The following TYSND1 variants were observed in gnomAD, a reference collection of about 807,000 sequenced individuals.
The protein encoded by TYSND1 is peroxisomal leader peptide-processing protease.
TYSND1 carries 30 observed loss-of-function variants against 37.2 expected under a neutral mutation model. The ratio of observed to expected loss-of-function variants is 0.81; its 90% CI spans 0.60 to 1.09. The LOEUF is 1.09. Among genes scored for constraint, TYSND1 ranks in the 50% least tolerant of loss-of-function variants. The pLI is 0.00. For synonymous variants in TYSND1, 364 were observed against 383.8 expected (o/e 0.95, Z 0.60); for missense variants, 806 against 817.4 (o/e 0.99, Z 0.17).
intron 2 of TYSND1, among the ~76,000 whole-genome samples, chr10:70,143,394 C>G (rs761662144): frequency 3.2e-4 from 48 of 152,236 alleles, no homozygotes; most frequent in Non-Finnish European, 6.0e-4. Flanking sequence ...GGATAGTTAA[C>G]TAGCCTGTCC....
In TYSND1 at chr10:70,146,074, C is replaced by T; in HGVS notation, c.513G>A (p.Ser171=). The change falls in exon 1 of 4, where the codon TCG becomes TCA. Residue 171 remains serine, a synonymous_variant. Transcript: ENST00000287078. ...FSSAARDDEV[S]EDEEADQLRA... is the part of the protein sequence containing the mutation. ...TCAGTTGATCCGCCTCCTCGTCCTC[C>T]GACACTTCGTCATCCCGCGCCGCGC... The T allele has an allele frequency of 1.3e-6, 2 of 1,595,574 alleles. No individual in the cohort carries two copies. The highest frequency in any genetic ancestry group is 1.7e-6 in the Non-Finnish European group (2 of 1,172,084).
intron 1 of TYSND1, chr10:70,144,435 G>A (rs1781546925): frequency 1.0e-6 from 1 of 995,064 alleles, no homozygotes; most frequent in African/African-American, 1.7e-5. Context: ...CCGTCAGTTG[G>A]TGGGTCAGAT....
Position 70,138,464 on chromosome 10 carries a change from G to C in TYSND1, c.*1460C>G, listed in dbSNP as rs1386578532. ...CAAGTTACTCCTAAGCACTCTTCCTGCGTGGCCTCCGCCCACAGCCGCCCC... is the reference window on the plus strand; with the variant it reads ...CAAGTTACTCCTAAGCACTCTTCCTCCGTGGCCTCCGCCCACAGCCGCCCC... On this transcript the variant is annotated 3_prime_UTR_variant, in exon 4 of 4. Coordinates refer to ENST00000287078, the MANE Select transcript of TYSND1 (RefSeq NM_173555.4). 1.3e-5 allele frequency: 2 copies of C among 152,282 alleles called. No individual in the cohort carries two copies. Among genetic ancestry groups the C allele is most frequent in the African/African-American group, 4.8e-5 (2 of 41,428 alleles). The allele number at this position is 152,282 out of a possible 1,614,324, so 9.4% of individuals were successfully genotyped here.
intron 3 of TYSND1, among the ~76,000 whole-genome samples, chr10:70,141,152 C>T (rs2072765698): frequency 6.6e-6 from 1 of 151,018 alleles, no homozygotes; most frequent in Admixed American, 6.6e-5. Context: ...GGTTGTCCAG[C>T]TTGGTCTTGA....
In TYSND1 at chr10:70,145,480, G is replaced by C. The variant is rs755089159; in HGVS notation, c.1107C>G (p.Thr369=). 4 of 1,510,910 alleles carry C rather than the reference G, an allele frequency of 2.6e-6. No homozygotes were observed. The highest frequency in any genetic ancestry group is 3.5e-6 in the Non-Finnish European group (4 of 1,133,198). The allele number at this position is 1,510,910 out of a possible 1,614,324, so 93.6% of individuals were successfully genotyped here. A position where few individuals can be genotyped will look rare whatever the true frequency, so the allele number is the denominator to read the frequency against. The change falls in exon 1 of 4, where the codon ACC becomes ACG. Residue 369 remains threonine (T), a synonymous_variant. Coordinates refer to ENST00000287078, the MANE Select transcript of TYSND1 (RefSeq NM_173555.4). The part of the protein sequence containing the change: ...GVAVAPRLVV[T]CRHVSPREAA... ...CTTCCCGAGGGGACACGTGCCGACA[G>C]GTCACTACAAGGCGGGGTGCCACAG...
rs1839216127 is a variant in TYSND1 at position 70,146,161 on chromosome 10, G to A, written c.426C>T (p.Ala142=). ...AELLLLLSCP[A]FWAHFARLFG... Reference sequence around the variant, plus strand: ...AGAGGCGCGCGAAGTGGGCCCAGAAGGCCGGGCAGCTCAGCAGCAGCAGCA... The same window carrying A: ...AGAGGCGCGCGAAGTGGGCCCAGAAAGCCGGGCAGCTCAGCAGCAGCAGCA... Residue 142 remains alanine (A), a synonymous_variant, in exon 1 of 4, where the codon GCC becomes GCT. Coordinates refer to ENST00000287078, the MANE Select transcript of TYSND1 (RefSeq NM_173555.4). 1.3e-6 allele frequency: 2 copies of A among 1,550,356 alleles called. No homozygotes were observed. The highest frequency in any genetic ancestry group is 1.7e-6 in the Non-Finnish European group (2 of 1,150,820).
Position 70,145,913 on chromosome 10 carries a change from G to A in TYSND1, c.674C>T (p.Pro225Leu). The change falls in exon 1 of 4, where the codon CCT becomes CTT. Residue 225 changes from proline (P) to leucine (L), a missense_variant. Pro to Leu is a moderately conservative substitution (Grantham distance 98). Around this residue, in one of 3 missense-constraint regions of TYSND1, gnomAD observed 708 missense variants for 705.4 expected, o/e 1.00. Transcript: ENST00000287078. ...KGAPLLVCGS[P>L]FGAFCPDIFL... ...GATGTCGGGGCAGAAGGCGCCGAAA[G>A]GGGAGCCGCAGACCAGCAATGGCGC... 1.3e-6 allele frequency: 2 copies of A among 1,549,908 alleles called. No homozygotes were observed. Among genetic ancestry groups the A allele is most frequent in the Admixed American group, 2.0e-5 (1 of 51,090 alleles).
Position 70,140,139 on chromosome 10 carries a change from T to G in TYSND1, c.1486A>C (p.Ile496Leu). 1 of 1,605,978 alleles carries G rather than the reference T, an allele frequency of 6.2e-7. No individual in the cohort carries two copies. Residue 496 changes from isoleucine to leucine, a missense_variant and splice_region_variant, in exon 4 of 4, where the codon ATA (isoleucine) becomes CTA (leucine). Physicochemically the swap from Ile to Leu is conservative, Grantham distance 5. Coordinates refer to ENST00000287078, the MANE Select transcript of TYSND1 (RefSeq NM_173555.4). The stretch of plus-strand genomic sequence containing the variant: ...TTGTCCCGGGTGTTGCTGGTGATTA[T>G]GCCTGTTGAGGAGTCAGAGAGCAAA... Reference protein sequence around the residue: ...FSNHSGNLLGIITSNTRDNNT... With the variant: ...FSNHSGNLLGLITSNTRDNNT...
In TYSND1 at chr10:70,145,520, C is replaced by CA. The variant is rs1564564585; in HGVS notation, c.1066dup (p.Trp356LeufsTer53). ...GGGTGCCACAGCCACTCCGGAGCCC[C>CA]ATACGGTGCCGCACTCCACCAACAC... On this transcript the variant is annotated frameshift_variant, in exon 1 of 4. Transcript: ENST00000287078. LOFTEE classifies it high-confidence loss of function. The CA allele has an allele frequency of 6.5e-7, 1 of 1,526,998 alleles. No individual in the cohort carries two copies. The highest frequency in any genetic ancestry group is 2.7e-5 in the East Asian group (1 of 37,624). The allele number at this position is 1,526,998 out of a possible 1,614,324, so 94.6% of individuals were successfully genotyped here. A position where few individuals can be genotyped will look rare whatever the true frequency, so the allele number is the denominator to read the frequency against.
In TYSND1 at chr10:70,143,975, G is replaced by T; in HGVS notation, c.1167-3C>A. ...CACGGCCCCAGATGGCCACACTCCTGGGAGCAAGGGAAACAAATGACAGGC... is the reference window on the plus strand; with the variant it reads ...CACGGCCCCAGATGGCCACACTCCTTGGAGCAAGGGAAACAAATGACAGGC... On this transcript the variant is annotated splice_polypyrimidine_tract_variant and splice_region_variant and intron_variant, in intron 1 of 3. Transcript: ENST00000287078. 1 of 1,614,102 alleles carries T rather than the reference G, an allele frequency of 6.2e-7. No homozygotes were observed. Among genetic ancestry groups the T allele is most frequent in the Non-Finnish European group, 8.5e-7 (1 of 1,179,998 alleles).
Position 70,146,004 on chromosome 10 carries a change from C to T in TYSND1, c.583G>A (p.Glu195Lys). The change falls in exon 1 of 4, where the codon GAG (glutamate) becomes AAG (lysine). Residue 195 changes from glutamate to lysine, a missense_variant. Glu to Lys is a moderately conservative substitution (Grantham distance 56, BLOSUM62 1). Coordinates refer to ENST00000287078, the MANE Select transcript of TYSND1 (RefSeq NM_173555.4). The stretch of plus-strand genomic sequence containing the variant: ...GGCCCGCGCTCCTCCTCCACCTCCT[C>T]CTGGCCTAGCCGCACGCCCAGCAGC... ...FALLGVRLGQEEVEEERGPAM... is the reference protein window; with the variant it reads ...FALLGVRLGQKEVEEERGPAM... 6.3e-7 allele frequency: 1 copy of T among 1,590,034 alleles called. No individual in the cohort carries two copies.
chr10:70,143,731 CT>C, intron 2 of TYSND1, 110 bp downstream of exon 2: 1 of 1,398,594 alleles, frequency 7.2e-7, no homozygotes. Flanking sequence ...CTCCAAGGAC[CT>C]TGACCAATGC....
At chr10:70,144,066 G>C in intron 1 of TYSND1, 94 bp from the exon 2 acceptor site, 1 of 1,530,332 alleles carries the variant, frequency 6.5e-7, no homozygotes, top group Non-Finnish European at 8.9e-7. Flanking sequence ...AAAGTCAGAA[G>C]ATCTGGGTAT....
chr10:70,146,263 G>T lies in TYSND1; in HGVS notation c.324C>A (p.Pro108=), dbSNP rs374556323. ...AERGRPGLCT[P]QCASLEPGPP... The stretch of plus-strand genomic sequence containing the variant: ...GGCCGGGCTCGAGGCTCGCGCACTG[G>T]GGCGTGCACAGCCCTGGGCGGCCCC... Residue 108 remains proline, a synonymous_variant, in exon 1 of 4, where the codon CCC becomes CCA. Coordinates refer to ENST00000287078, the MANE Select transcript of TYSND1 (RefSeq NM_173555.4). 37 of 1,475,702 alleles carry T rather than the reference G, an allele frequency of 2.5e-5. No homozygotes were observed. The East Asian group carries it at 8.4e-4, about 33-fold the overall frequency. The allele number at this position is 1,475,702 out of a possible 1,614,324, so 91.4% of individuals were successfully genotyped here.
In TYSND1 at chr10:70,138,760, C is replaced by T. The variant is rs34023753; in HGVS notation, c.*1164G>A. 6,644 of 152,416 alleles carry T rather than the reference C, an allele frequency of 0.044. 201 individuals are homozygous for T. The highest frequency in any genetic ancestry group is 0.066 in the Non-Finnish European group (4,526 of 68,134). 9.4% of individuals were successfully genotyped at this position (152,416 alleles called of 1,614,324 possible). A position where few individuals can be genotyped will look rare whatever the true frequency, so the allele number is the denominator to read the frequency against. ...GCTATGAGGGCCAGTCTGGCAGGAC[C>T]GTATCCCGTGAGCTCACACCCTGCT... On this transcript the variant is annotated 3_prime_UTR_variant, in exon 4 of 4. Coordinates refer to ENST00000287078, the MANE Select transcript of TYSND1 (RefSeq NM_173555.4).
chr10:70,143,775 T>A, intron 2 of TYSND1, 67 bp downstream of exon 2: 2 of 1,589,000 alleles, frequency 1.3e-6, no homozygotes, highest in Non-Finnish European at 1.7e-6. Flanking sequence ...CCAACACTGA[T>A]TCTCCTTCCT....
intron 2 of TYSND1, among the ~76,000 whole-genome samples, chr10:70,143,199 G>C (rs930039244): frequency 6.6e-6 from 1 of 152,136 alleles, no homozygotes; most frequent in African/African-American, 2.4e-5. Context: ...TCTCCTCCTG[G>C]AACTCCTAAG....
chr10:70,145,055 G>A (rs116659214), intron 1 of TYSND1, among the ~76,000 whole-genome samples: 119 of 152,298 alleles, frequency 7.8e-4, no homozygotes, highest in African/African-American at 2.7e-3. Context: ...GAAGCAGCAG[G>A]GTTAGGGAAT....
In TYSND1 at chr10:70,145,407, C is replaced by T. The variant is rs1293511918; in HGVS notation, c.1166+14G>A. 2 of 1,406,468 alleles carry T rather than the reference C, an allele frequency of 1.4e-6. No individual in the cohort carries two copies. The highest frequency in any genetic ancestry group is 9.3e-7 in the Non-Finnish European group (1 of 1,078,152). 87.1% of individuals were successfully genotyped at this position (1,406,468 alleles called of 1,614,324 possible). A position where few individuals can be genotyped will look rare whatever the true frequency, so the allele number is the denominator to read the frequency against. On this transcript the variant is annotated intron_variant, in intron 1 of 3. Coordinates refer to ENST00000287078, the MANE Select transcript of TYSND1 (RefSeq NM_173555.4). ...CTGGAAAGGGATGAAGTGGCGTCAG[C>T]CCTGCGGGCTTACTTGGGGGTGGTG...
Sources: gnomAD v4.1 joint callset for allele counts (sites outside exome capture counted in the v4.1 genomes callset) on GRCh38, gnomAD v4.1.1 for gene constraint, gnomAD v4.1.1 regional missense constraint, MANE v1.5 for transcripts, NCBI Gene and HGNC (gene_info 2026-07-23, HGNC 2026-07-21) for gene names.